SMIM31: variants seen among roughly 807,000 people sequenced by gnomAD.
SMIM31 encodes the protein small integral membrane protein 31, also known as human epithelial cell program regulator.
At chr4:164,791,581 T>A (rs1442365573) in intron 2 of SMIM31, among the ~76,000 whole-genome samples, 1 of 152,168 alleles carries the variant, frequency 6.6e-6, no homozygotes, top group Non-Finnish European at 1.5e-5. Context: ...AGCAATCCAC[T>A]TGCCTTAGCC....
chr4:164,778,057 C>A (rs1195631492), intron 2 of SMIM31, among the ~76,000 whole-genome samples: 1 of 152,160 alleles, frequency 6.6e-6, no homozygotes, highest in African/African-American at 2.4e-5. Context: ...AAGATCCCTA[C>A]CGTTTTTTCA....
At chr4:164,799,300 G>T (rs866082012) in intron 2 of SMIM31, among the ~76,000 whole-genome samples, 1 of 151,866 alleles carries the variant, frequency 6.6e-6, no homozygotes, top group African/African-American at 2.4e-5. Flanking sequence ...TGGGAGGATC[G>T]CTTGAGTCCA....
At chr4:164,768,698 T>C (rs1307253947) in intron 1 of SMIM31, among the ~76,000 whole-genome samples, 1 of 152,196 alleles carries the variant, frequency 6.6e-6, no homozygotes, top group African/African-American at 2.4e-5. Context: ...CTCCGACCTA[T>C]AGCACTTAAA....
At chr4:164,779,675 A>G (rs1732922600) in intron 2 of SMIM31, among the ~76,000 whole-genome samples, 1 of 152,188 alleles carries the variant, frequency 6.6e-6, no homozygotes, top group Non-Finnish European at 1.5e-5. Flanking sequence ...GAAAGCCACA[A>G]ACTTGCATGG....
intron 2 of SMIM31, among the ~76,000 whole-genome samples, chr4:164,780,326 C>G (rs1215530622): frequency 6.6e-6 from 1 of 152,320 alleles, no homozygotes; most frequent in Admixed American, 6.5e-5. Flanking sequence ...ACTCGGGAGG[C>G]TGAGGCAGGA....
At chr4:164,790,304 A>T (rs4405971) in intron 2 of SMIM31, among the ~76,000 whole-genome samples, 145,619 of 151,908 alleles carry the variant, frequency 0.96, 69,845 homozygotes, top group South Asian at 0.99. Flanking sequence ...GTATTTTTTT[A>T]AAAAAAATCC....
chr4:164,760,024 C>T (rs1732624310), intron 1 of SMIM31, among the ~76,000 whole-genome samples: 1 of 152,026 alleles, frequency 6.6e-6, no homozygotes, highest in Admixed American at 6.6e-5. Flanking sequence ...GAAGCGCATT[C>T]CAGGTAAAGA....
chr4:164,798,235 T>A (rs895953958), intron 2 of SMIM31, among the ~76,000 whole-genome samples: 21 of 149,106 alleles, frequency 1.4e-4, no homozygotes, highest in East Asian at 3.9e-4. Flanking sequence ...TTTTTATTTT[T>A]TTTTTTTATT....
At chr4:164,798,674 C>T (rs531332951) in intron 2 of SMIM31, among the ~76,000 whole-genome samples, 6 of 152,200 alleles carry the variant, frequency 3.9e-5, no homozygotes, top group South Asian at 2.1e-4. Context: ...CATTTAAGTC[C>T]GAAGACCGGA....
At chr4:164,763,448 T>A (rs767071460) in intron 1 of SMIM31, among the ~76,000 whole-genome samples, 6 of 152,156 alleles carry the variant, frequency 3.9e-5, no homozygotes, top group Non-Finnish European at 5.9e-5. Flanking sequence ...TCGGAATTTT[T>A]AAAAATGAAC....
chr4:164,800,465 C>A (rs1159139680), intron 2 of SMIM31, among the ~76,000 whole-genome samples: 1 of 152,106 alleles, frequency 6.6e-6, no homozygotes, highest in Non-Finnish European at 1.5e-5. Context: ...ACCTCAGCCT[C>A]CCAAAGTGCT....
chr4:164,794,993 A>T (rs1400239680), intron 2 of SMIM31, among the ~76,000 whole-genome samples: 1 of 152,050 alleles, frequency 6.6e-6, no homozygotes, highest in South Asian at 2.1e-4. Flanking sequence ...GAAAAGAATA[A>T]CTTTCACTTC....
chr4:164,764,565 CAAAAAAAA>C (rs11388843), intron 1 of SMIM31, among the ~76,000 whole-genome samples: 1 of 130,278 alleles, frequency 7.7e-6, no homozygotes, highest in African/African-American at 3.0e-5. Flanking sequence ...GACTCCATCT[CAAAAAAAA>C]AAAAAGAAAA....
Position 164,792,722 on chromosome 4 carries a change from C to T in SMIM31, c.113-8369C>T, listed in dbSNP as rs775138120. ...TATTCAAAGTTTTCTACAGATTCAC[C>T]AAAGTTGCTACCAAAATTCAATAAC... On this transcript the variant is annotated intron_variant, in intron 2 of 2. Coordinates refer to ENST00000507311, the MANE Select transcript of SMIM31 (RefSeq NM_001352885.1). Among the ~76,000 whole-genome samples the T allele has an allele frequency of 2.0e-5, 3 of 152,178 alleles. 1 individual carries two copies. The South Asian group carries it at 6.2e-4, about 32-fold the overall frequency.
Position 164,801,413 on chromosome 4 carries a change from C to A in SMIM31, c.*219C>A. On this transcript the variant is annotated 3_prime_UTR_variant, in exon 3 of 3. Coordinates refer to ENST00000507311, the MANE Select transcript of SMIM31 (RefSeq NM_001352885.1). ...AAAATATCTATTAAGAGCCATACACCATTCTAGCTGCAATTGATTATACAA... is the reference window on the plus strand; with the variant it reads ...AAAATATCTATTAAGAGCCATACACAATTCTAGCTGCAATTGATTATACAA... The A allele has an allele frequency of 5.9e-6, 2 of 339,308 alleles. No individual in the cohort carries two copies. The highest frequency in any genetic ancestry group is 1.1e-5 in the Non-Finnish European group (2 of 189,790). The allele number at this position is 339,308 out of a possible 1,614,324, so 21.0% of individuals were successfully genotyped here. A position where few individuals can be genotyped will look rare whatever the true frequency, so the allele number is the denominator to read the frequency against.
At chr4:164,758,471 G>A (rs957295231) in intron 1 of SMIM31, among the ~76,000 whole-genome samples, 1 of 152,080 alleles carries the variant, frequency 6.6e-6, no homozygotes, top group African/African-American at 2.4e-5. Flanking sequence ...CCACCTTTAA[G>A]TATGGTGTTA....
rs936896405 is a variant in SMIM31, at chr4:164,783,692, G to A, written c.112+13137G>A. Among the ~76,000 whole-genome samples the A allele has an allele frequency of 2.0e-5, 3 of 152,006 alleles. No individual in the cohort carries two copies. In the South Asian group the frequency reaches 6.2e-4, roughly 32 times the overall value. On this transcript the variant is annotated intron_variant, in intron 2 of 2. Transcript: ENST00000507311. ...AGCTACTTAGCAGGCTAAGGTGGGA[G>A]GATTACTTGAGGCCAGGAGTTTGAG...
rs187783781 is a variant in SMIM31, at chr4:164,766,589, G to A, written c.-25-3830G>A. On this transcript the variant is annotated intron_variant, in intron 1 of 2. Transcript: ENST00000507311. ...TGAGGCAGGCGGATCACGAGGTCAG[G>A]AAATTGAGATCATCCTGGCCAACAT... Among the ~76,000 whole-genome samples the A allele has an allele frequency of 5.3e-3, 810 of 152,154 alleles. 5 individuals carry two copies. The highest frequency in any genetic ancestry group is 0.018 in the African/African-American group (739 of 41,514).
At chr4:164,773,558 G>GAACTCACTCACTATCAGGTGA (rs1207344437) in intron 2 of SMIM31, among the ~76,000 whole-genome samples, 2 of 152,094 alleles carry the variant, frequency 1.3e-5, no homozygotes, top group African/African-American at 2.4e-5. Flanking sequence ...GATCTTGTGA[G>GAACTCACTCACTATCAGGTGA]AACTCACTCA....
Sources: allele counts gnomAD v4.1 joint callset (sites outside exome capture counted in the v4.1 genomes callset), GRCh38; gene constraint gnomAD v4.1.1; transcripts MANE v1.5; gene names NCBI Gene and HGNC (gene_info 2026-07-23, HGNC 2026-07-21).